Variants in JAK2 observed in about 807,000 individuals in gnomAD.
JAK2 encodes the protein Janus kinase 2.
In JAK2, 86 loss-of-function variants were observed where a neutral mutation model predicts 139.3. The ratio of observed to expected loss-of-function variants is 0.62; its 90% CI spans 0.52 to 0.74. The LOEUF (loss-of-function observed/expected upper bound fraction) is 0.74, where lower values mean the gene tolerates loss of function less well. JAK2 is among the 30% of genes least tolerant of loss of function. JAK2 has a pLI of 0.00. For missense variants in JAK2, 1,421 were observed against 1,360.3 expected, an observed-to-expected ratio of 1.04 and a Z score of -0.70; for synonymous variants, 490 against 437.7, an observed-to-expected ratio of 1.12 and a Z score of -1.49.
intron 4 of JAK2, among the ~76,000 whole-genome samples, chr9:5,031,556 G>A (rs530879278): frequency 6.6e-6 from 1 of 152,084 alleles, no homozygotes; most frequent in African/African-American, 2.4e-5. Flanking sequence ...ATGTATATCA[G>A]ATAAATTATA....
At chr9:5,088,854 T>G (rs1201008202) in intron 19 of JAK2, among the ~76,000 whole-genome samples, 1 of 152,144 alleles carries the variant, frequency 6.6e-6, no homozygotes, top group East Asian at 1.9e-4. Context: ...ATAACCTAAT[T>G]TAACTTTTAT....
chr9:5,067,276 T>C (rs967713317), intron 10 of JAK2, among the ~76,000 whole-genome samples: 5 of 152,154 alleles, frequency 3.3e-5, no homozygotes, highest in African/African-American at 1.2e-4. Flanking sequence ...TTTTTAAGAA[T>C]AGTGGTCTAC....
chr9:5,009,875 G>A (rs975840093), intron 2 of JAK2, among the ~76,000 whole-genome samples: 5 of 151,576 alleles, frequency 3.3e-5, no homozygotes, highest in South Asian at 2.1e-4. Flanking sequence ...AGCTTAAGCC[G>A]TCCTCCCATT....
intron 3 of JAK2, among the ~76,000 whole-genome samples, chr9:5,027,714 C>T (rs1822870120): frequency 6.6e-6 from 1 of 152,210 alleles, no homozygotes; most frequent in African/African-American, 2.4e-5. Flanking sequence ...TATTATAAAT[C>T]CTTTGTTGTC....
chr9:5,125,816 T>C (rs1173744401), intron 23 of JAK2: 1 of 148,318 alleles, frequency 6.7e-6, no homozygotes, highest in Non-Finnish European at 1.5e-5. Flanking sequence ...TTTGCCTATC[T>C]TTATATTTGT....
intron 4 of JAK2, among the ~76,000 whole-genome samples, 159 bp from the exon 5 acceptor site, chr9:5,044,244 C>A (rs1174180955): frequency 6.6e-6 from 1 of 152,186 alleles, no homozygotes; most frequent in African/African-American, 2.4e-5. Context: ...TTAGTGTTAT[C>A]CACATATCCT....
At chr9:5,041,440 C>T in intron 4 of JAK2, 3 of 620,686 alleles carry the variant, frequency 4.8e-6, no homozygotes, top group Non-Finnish European at 9.2e-6. Flanking sequence ...ACTTCCTGTG[C>T]AGCAGCCTCC....
chr9:5,105,641 A>C (rs988882762), intron 22 of JAK2, among the ~76,000 whole-genome samples: 5 of 152,234 alleles, frequency 3.3e-5, no homozygotes, highest in Non-Finnish European at 7.3e-5. Flanking sequence ...AGCTGGAGGC[A>C]TCACACTACG....
At chr9:5,080,956 C>T (rs1156308988) in intron 18 of JAK2, among the ~76,000 whole-genome samples, 5 of 134,044 alleles carry the variant, frequency 3.7e-5, no homozygotes, top group Admixed American at 8.6e-5. Context: ...AGTGCAGTGG[C>T]GCGATCTCGG....
rs181952922 is a variant in JAK2 at position 5,126,137 on chromosome 9, T to C, written c.3178-196T>C. ...ATTTGTGTTGAGTTTATTACAGCTATGGAAATGGAAATTATAGAAGTTCCA... is the reference window on the plus strand; with the variant it reads ...ATTTGTGTTGAGTTTATTACAGCTACGGAAATGGAAATTATAGAAGTTCCA... On this transcript the variant is annotated intron_variant, in intron 23 of 24. Transcript: ENST00000381652. The C allele has an allele frequency of 1.9e-5, 9 of 476,132 alleles. No homozygotes were observed. The Admixed American group carries it at 2.7e-4, about 14-fold the overall frequency. 29.5% of individuals were successfully genotyped at this position (476,132 alleles called of 1,614,324 possible).
chr9:5,070,905 C>T (rs10815151), intron 12 of JAK2, among the ~76,000 whole-genome samples: 44,865 of 151,928 alleles, frequency 0.3, 7,134 homozygotes, highest in African/African-American at 0.42. Flanking sequence ...TGCAAGGCCA[C>T]GAGTTAAAAG....
At chr9:5,121,549 A>AG (rs1823615862) in intron 22 of JAK2, among the ~76,000 whole-genome samples, 1 of 152,188 alleles carries the variant, frequency 6.6e-6, no homozygotes, top group Non-Finnish European at 1.5e-5. Flanking sequence ...ACTGGGAGTA[A>AG]GGGTGCTATC....
chr9:5,112,808 C>G, intron 22 of JAK2: 3 of 549,882 alleles, frequency 5.5e-6, no homozygotes, highest in Non-Finnish European at 8.8e-6. Context: ...AGCTGCCCAC[C>G]TGGGCTTGAG....
intron 11 of JAK2, among the ~76,000 whole-genome samples, chr9:5,069,614 T>G (rs1306212132): frequency 6.6e-6 from 1 of 152,098 alleles, no homozygotes; most frequent in Non-Finnish European, 1.5e-5. Flanking sequence ...TTATTAAAAT[T>G]CCTGAAAAAT....
chr9:5,005,690 T>A (rs1286784264), intron 2 of JAK2, among the ~76,000 whole-genome samples: 2 of 152,210 alleles, frequency 1.3e-5, no homozygotes, highest in African/African-American at 4.8e-5. Context: ...TGTGGGTAAG[T>A]GTTTTTTATT....
chr9:5,033,163 G>T (rs1477550451), intron 4 of JAK2, among the ~76,000 whole-genome samples: 1 of 152,158 alleles, frequency 6.6e-6, no homozygotes, highest in Non-Finnish European at 1.5e-5. Flanking sequence ...AAGATGAAAT[G>T]AATGAAATGA....
At chr9:5,107,863 C>G (rs1282294591) in intron 22 of JAK2, 1 of 152,092 alleles carries the variant, frequency 6.6e-6, no homozygotes, top group African/African-American at 2.4e-5. Flanking sequence ...TGGGCCTTGC[C>G]TTATTAGTTT....
chr9:5,126,213 G>A (rs1823983871), intron 23 of JAK2, 120 bp from the exon 24 acceptor site: 1 of 628,268 alleles, frequency 1.6e-6, no homozygotes, highest in East Asian at 2.9e-5. Flanking sequence ...TTTTGAAAAG[G>A]TTTGAAAACA....
intron 16 of JAK2, among the ~76,000 whole-genome samples, chr9:5,079,256 T>A (rs534709440): frequency 1.5e-4 from 23 of 151,144 alleles, no homozygotes; most frequent in Non-Finnish European, 2.8e-4. Context: ...TGTATTCATA[T>A]GGTGAAGGTA....
Sources: allele counts gnomAD v4.1 joint callset (sites outside exome capture counted in the v4.1 genomes callset), GRCh38; gene constraint gnomAD v4.1.1; transcripts MANE v1.5; gene names NCBI Gene and HGNC (gene_info 2026-07-23, HGNC 2026-07-21).